SH3RF3: variants seen among roughly 807,000 people sequenced by gnomAD.
SH3RF3 encodes E3 ubiquitin-protein ligase SH3RF3.
In SH3RF3, 29 loss-of-function variants were observed where a neutral mutation model predicts 66.3. The ratio of observed to expected loss-of-function variants is 0.44; its 90% CI spans 0.33 to 0.60. The LOEUF (loss-of-function observed/expected upper bound fraction) is 0.60. Among genes scored for constraint, SH3RF3 ranks in the 20% least tolerant of loss-of-function variants. The pLI is 0.04. For synonymous variants in SH3RF3, 583 were observed against 532.0 expected (o/e 1.10, Z -1.32); for missense variants, 1,194 against 1,190.9 (o/e 1.00, Z -0.04).
chr2:109,475,249 T>G (rs1019939225), intron 8 of SH3RF3, among the ~76,000 whole-genome samples: 1 of 152,188 alleles, frequency 6.6e-6, no homozygotes, highest in African/African-American at 2.4e-5. Context: ...AGTGCTAGGA[T>G]TACAGGCGTG....
At chr2:109,132,654 G>A (rs924618586) in intron 1 of SH3RF3, among the ~76,000 whole-genome samples, 5 of 152,202 alleles carry the variant, frequency 3.3e-5, no homozygotes, top group Admixed American at 1.3e-4. Context: ...CTTAAAGTGT[G>A]TTCATATGTG....
intron 1 of SH3RF3, among the ~76,000 whole-genome samples, chr2:109,187,134 A>G (rs965973110): frequency 2.0e-5 from 3 of 149,824 alleles, no homozygotes; most frequent in African/African-American, 4.8e-5. Context: ...GGTGAGGGAC[A>G]CAGGACTCTG....
At chr2:109,240,437 A>G (rs2014263) in intron 1 of SH3RF3, among the ~76,000 whole-genome samples, 112,534 of 152,110 alleles carry the variant, frequency 0.74, 42,202 homozygotes, top group East Asian at 0.89. Context: ...GCAGTGAGCC[A>G]AGATCGCACC....
intron 2 of SH3RF3, among the ~76,000 whole-genome samples, chr2:109,359,666 T>A (rs1289907537): frequency 2.0e-5 from 3 of 152,314 alleles, no homozygotes; most frequent in African/African-American, 4.8e-5. Flanking sequence ...AAATCCAAAA[T>A]TTTTTGAGCA....
Position 109,193,690 on chromosome 2 carries a change from T to C in SH3RF3, c.573+63577T>C, listed in dbSNP as rs142210962. ...TTGTTTCTACCTCTACATTTAATGATGGTCTAGAAAGATCAGTATGTAGTA... is the reference window on the plus strand; with the variant it reads ...TTGTTTCTACCTCTACATTTAATGACGGTCTAGAAAGATCAGTATGTAGTA... On this transcript the variant is annotated intron_variant, in intron 1 of 9. Coordinates refer to ENST00000309415, the MANE Select transcript of SH3RF3 (RefSeq NM_001099289.3). Among the ~76,000 whole-genome samples, 377 of 152,338 alleles carry C rather than the reference T, an allele frequency of 2.5e-3. 2 individuals are homozygous for C. Among genetic ancestry groups the C allele is most frequent in the African/African-American group, 8.1e-3 (336 of 41,574 alleles).
intron 8 of SH3RF3, among the ~76,000 whole-genome samples, chr2:109,483,831 C>A (rs1678896188): frequency 6.6e-6 from 1 of 152,174 alleles, no homozygotes; most frequent in Admixed American, 6.5e-5. Context: ...CCTCCTGTGA[C>A]TGTCCCCATC....
chr2:109,142,903 G>A (rs1676991478), intron 1 of SH3RF3, among the ~76,000 whole-genome samples: 1 of 152,170 alleles, frequency 6.6e-6, no homozygotes, highest in African/African-American at 2.4e-5. Context: ...AAGGATGTCG[G>A]CTTTCAAGGT....
At chr2:109,477,279 G>A (rs1015848520) in intron 8 of SH3RF3, among the ~76,000 whole-genome samples, 5 of 152,156 alleles carry the variant, frequency 3.3e-5, no homozygotes, top group Admixed American at 6.5e-5. Context: ...GTCACTCCCC[G>A]TTCCTGCACA....
intron 4 of SH3RF3, among the ~76,000 whole-genome samples, chr2:109,407,621 G>A (rs1676482697): frequency 6.6e-6 from 1 of 152,212 alleles, no homozygotes; most frequent in Non-Finnish European, 1.5e-5. Context: ...GCTCTCAACT[G>A]CAGAGTACAA....
intron 9 of SH3RF3, among the ~76,000 whole-genome samples, chr2:109,498,188 G>C (rs28437391): frequency 6.6e-6 from 1 of 152,094 alleles, no homozygotes; most frequent in African/African-American, 2.4e-5. Context: ...AGCAGAGTCT[G>C]GTTCGCCGGC....
At chr2:109,268,341 C>G (rs1180202139) in intron 1 of SH3RF3, among the ~76,000 whole-genome samples, 1 of 151,924 alleles carries the variant, frequency 6.6e-6, no homozygotes, top group Non-Finnish European at 1.5e-5. Context: ...AAGGACTGGA[C>G]ACAGAGTCCA....
intron 1 of SH3RF3, among the ~76,000 whole-genome samples, chr2:109,189,198 C>A (rs1158800538): frequency 6.6e-6 from 1 of 151,802 alleles, no homozygotes; most frequent in Non-Finnish European, 1.5e-5. Context: ...GCTTCTGATA[C>A]CCCCGAGATA....
intron 2 of SH3RF3, among the ~76,000 whole-genome samples, chr2:109,363,579 T>A (rs531730059): frequency 6.6e-6 from 1 of 152,342 alleles, no homozygotes; most frequent in African/African-American, 2.4e-5. Flanking sequence ...TCTGTAGATC[T>A]GAATTTCTGA....
chr2:109,303,841 C>T (rs1681530137), intron 1 of SH3RF3, among the ~76,000 whole-genome samples: 1 of 152,160 alleles, frequency 6.6e-6, no homozygotes, highest in Admixed American at 6.6e-5. Context: ...AAGTTCATCA[C>T]CTCTCAGAGT....
intron 1 of SH3RF3, among the ~76,000 whole-genome samples, chr2:109,172,116 C>T (rs1315948976): frequency 1.3e-5 from 2 of 152,220 alleles, no homozygotes; most frequent in Non-Finnish European, 2.9e-5. Context: ...AGGCAATGAC[C>T]TGGGGCAGAG....
chr2:109,211,648 C>CTT (rs67139652), intron 1 of SH3RF3, among the ~76,000 whole-genome samples: 16,507 of 142,488 alleles, frequency 0.12, 1,802 homozygotes, highest in East Asian at 0.34. Flanking sequence ...GCATTTCTTT[C>CTT]TTTTTTTTTT....
chr2:109,470,798 A>C (rs1678483573), intron 8 of SH3RF3, among the ~76,000 whole-genome samples: 1 of 152,252 alleles, frequency 6.6e-6, no homozygotes, highest in African/African-American at 2.4e-5. Flanking sequence ...GACCCTTTGC[A>C]GGGAAGTCAG....
chr2:109,245,991 A>C (rs1679906058), intron 1 of SH3RF3, among the ~76,000 whole-genome samples: 1 of 152,212 alleles, frequency 6.6e-6, no homozygotes, highest in African/African-American at 2.4e-5. Flanking sequence ...TTCACAAAAA[A>C]CCAGTGTGGT....
At chr2:109,311,967 G>A (rs1186535981) in intron 1 of SH3RF3, among the ~76,000 whole-genome samples, 7 of 152,256 alleles carry the variant, frequency 4.6e-5, no homozygotes, top group African/African-American at 9.6e-5. Flanking sequence ...TCCATGAGTC[G>A]TGGCTGTGTG....
Sources: gnomAD v4.1 joint callset for allele counts (sites outside exome capture counted in the v4.1 genomes callset) on GRCh38, gnomAD v4.1.1 for gene constraint, MANE v1.5 for transcripts, NCBI Gene and HGNC (gene_info 2026-07-23, HGNC 2026-07-21) for gene names.